Variants in ZNF225 observed in about 807,000 individuals in gnomAD.
ZNF225 encodes the protein zinc finger protein 225.
ZNF225 carries 6 observed loss-of-function variants against 12.0 expected under a neutral mutation model. That is an observed-to-expected ratio of 0.50 (90% CI 0.27 to 0.98). ZNF225 has a LOEUF of 0.98. ZNF225 is among the 50% of genes least tolerant of loss of function. ZNF225 has a pLI of 0.11. For synonymous variants in ZNF225, 271 were observed against 283.2 expected (o/e 0.96, Z 0.43); for missense variants, 763 against 848.2 (o/e 0.90, Z 1.25).
rs1247667243 is a variant in ZNF225 at position 44,132,048 on chromosome 19, C to T, written c.1434C>T (p.His478=). 2 of 1,613,236 alleles carry T rather than the reference C, an allele frequency of 1.2e-6. No homozygotes were observed. The highest frequency in any genetic ancestry group is 2.7e-5 in the African/African-American group (2 of 74,662). The change falls in exon 5 of 5, where the codon CAC becomes CAT. Residue 478 remains histidine, a synonymous_variant. Coordinates refer to ENST00000262894, the MANE Select transcript of ZNF225 (RefSeq NM_013362.4). ...GTCTTTTGAATCATCAGAGAATCCA[C>T]AGTGGAGAAAAACCATTTAAATGTG... ...ASCLLNHQRI[H]SGEKPFKCEE...
At chr19:44,122,099 T>C (rs1289039371) in intron 4 of ZNF225, among the ~76,000 whole-genome samples, 3 of 152,188 alleles carry the variant, frequency 2.0e-5, no homozygotes, top group Non-Finnish European at 4.4e-5. Flanking sequence ...ATTTTTCCAA[T>C]GTTACCTTCT....
chr19:44,118,033 T>C (rs549585949), intron 2 of ZNF225, among the ~76,000 whole-genome samples, 155 bp from the exon 3 acceptor site: 12 of 151,812 alleles, frequency 7.9e-5, no homozygotes, highest in African/African-American at 2.9e-4. Flanking sequence ...AATAAATAAA[T>C]AAAATAAAAT....
At chr19:44,121,688 C>T (rs1486646801) in intron 4 of ZNF225, among the ~76,000 whole-genome samples, 1 of 152,164 alleles carries the variant, frequency 6.6e-6, no homozygotes, top group Non-Finnish European at 1.5e-5. Flanking sequence ...TATGGTCATT[C>T]TTGCAGGAGT....
At chr19:44,128,962 A>T in intron 4 of ZNF225, 1 of 841,030 alleles carries the variant, frequency 1.2e-6, no homozygotes, top group Non-Finnish European at 1.6e-6. Context: ...ATGACCCCTT[A>T]GGCGTTCTTT....
chr19:44,127,921 G>A lies in ZNF225; in HGVS notation c.236-2929G>A, dbSNP rs144604975. Among the ~76,000 whole-genome samples the A allele has an allele frequency of 4.5e-4, 68 of 152,166 alleles. 1 individual carries two copies. Among genetic ancestry groups the A allele is most frequent in the Admixed American group, 1.8e-3 (28 of 15,284 alleles). Reference sequence around the variant, plus strand: ...CCTCCCAAAGTGCTGGGATTGCAGGGAATGAGCCACCACTCCTAGCCAAAA... The same window carrying A: ...CCTCCCAAAGTGCTGGGATTGCAGGAAATGAGCCACCACTCCTAGCCAAAA... On this transcript the variant is annotated intron_variant, in intron 4 of 4. Transcript: ENST00000262894.
rs1324821766 is a variant in ZNF225 at position 44,134,686 on chromosome 19, C to A, written c.*1951C>A. On this transcript the variant is annotated 3_prime_UTR_variant, in exon 5 of 5. Coordinates refer to ENST00000262894, the MANE Select transcript of ZNF225 (RefSeq NM_013362.4). ...AAGTTTGGTAGGGTCTATGTCTGCT[C>A]TCTGGTGTGTCCTGGATCATCAACT... 1.3e-5 allele frequency: 2 copies of A among 152,186 alleles called. No individual in the cohort carries two copies. The highest frequency in any genetic ancestry group is 1.5e-5 in the Non-Finnish European group (1 of 68,030). 9.4% of individuals were successfully genotyped at this position (152,186 alleles called of 1,614,324 possible).
At chr19:44,129,123 G>A in intron 4 of ZNF225, 1 of 1,230,120 alleles carries the variant, frequency 8.1e-7, no homozygotes, top group East Asian at 3.2e-5. Flanking sequence ...GTTCATATCA[G>A]TACAGACAAA....
Position 44,131,746 on chromosome 19 carries a change from G to A in ZNF225, c.1132G>A (p.Gly378Arg), listed in dbSNP as rs201737673. The A allele has an allele frequency of 3.2e-4, 511 of 1,614,096 alleles. No individual in the cohort carries two copies. Among genetic ancestry groups the A allele is most frequent in the Non-Finnish European group, 4.2e-4 (494 of 1,180,048 alleles). ...GEKPYNCKEC[G>R]KSFRWASGLS... Reference sequence around the variant, plus strand: ...GAAGCCATATAATTGTAAAGAATGTGGAAAGAGCTTCAGATGGGCCTCAGG... The same window carrying A: ...GAAGCCATATAATTGTAAAGAATGTAGAAAGAGCTTCAGATGGGCCTCAGG... Residue 378 changes from glycine to arginine, a missense_variant, in exon 5 of 5, where the codon GGA becomes AGA. Transcript: ENST00000262894.
At position 44,131,955 on chromosome 19, in the gene ZNF225, G is replaced by C. The variant is rs371382368; in HGVS notation, c.1341G>C (p.Gln447His). 9.9e-6 allele frequency: 16 copies of C among 1,613,952 alleles called. 1 individual carries two copies. Among genetic ancestry groups the C allele is most frequent in the African/African-American group, 1.3e-5 (1 of 74,884 alleles). The change falls in exon 5 of 5, where the codon CAG becomes CAC. Residue 447 changes from glutamine (Q) to histidine (H), a missense_variant. Physicochemically the swap from Gln to His is conservative, Grantham distance 24. Transcript: ENST00000262894. ...YKRRLDLDFH[Q>H]RVHRGEKPYN... Reference sequence around the variant, plus strand: ...GGAGGTTGGATCTTGACTTTCATCAGAGGGTCCACAGAGGAGAGAAACCCT... The same window carrying C: ...GGAGGTTGGATCTTGACTTTCATCACAGGGTCCACAGAGGAGAGAAACCCT...
intron 4 of ZNF225, among the ~76,000 whole-genome samples, chr19:44,124,629 A>G (rs1051887004): frequency 6.6e-6 from 1 of 152,164 alleles, no homozygotes; most frequent in Non-Finnish European, 1.5e-5. Flanking sequence ...GTCCCCCACT[A>G]TTATTGTGTT....
intron 4 of ZNF225, among the ~76,000 whole-genome samples, chr19:44,126,697 C>T (rs974758256): frequency 2.6e-5 from 4 of 152,054 alleles, no homozygotes; most frequent in Non-Finnish European, 5.9e-5. Context: ...TCAGACTCTC[C>T]TTGGGTGGGT....
intron 4 of ZNF225, among the ~76,000 whole-genome samples, chr19:44,128,218 C>G (rs1201003600): frequency 6.6e-6 from 1 of 152,166 alleles, no homozygotes; most frequent in Admixed American, 6.5e-5. Flanking sequence ...TGAATGTTGC[C>G]TGTATTTCTA....
chr19:44,125,555 T>C (rs1462440180), intron 4 of ZNF225, among the ~76,000 whole-genome samples: 1 of 152,226 alleles, frequency 6.6e-6, no homozygotes, highest in Non-Finnish European at 1.5e-5. Context: ...GTGTTCTTTG[T>C]GCTTCTTGTA....
chr19:44,117,062 T>C lies in ZNF225; in HGVS notation c.16-1126T>C, dbSNP rs117240611. On this transcript the variant is annotated intron_variant, in intron 2 of 4. Transcript: ENST00000262894. ...ATAGATTATCAATTCTTTGGAATAC[T>C]ATGCAGACATGAAATGAGATAAAAT... is the stretch of plus-strand genomic sequence containing the variant. Among the ~76,000 whole-genome samples, 155 of 152,332 alleles carry C rather than the reference T, an allele frequency of 1.0e-3. 7 individuals are homozygous for C. The East Asian group carries it at 0.022, about 22-fold the overall frequency.
rs1968327754 is a variant in ZNF225 at position 44,133,423 on chromosome 19, T to C, written c.*688T>C. ...AATTAAGGAATAAGATTGTGGAAAT[T>C]GGTTTTCAAAAAAAAATTCTCTAGT... On this transcript the variant is annotated 3_prime_UTR_variant, in exon 5 of 5. Coordinates refer to ENST00000262894, the MANE Select transcript of ZNF225 (RefSeq NM_013362.4). The C allele has an allele frequency of 6.6e-6, 1 of 152,080 alleles. No individual in the cohort carries two copies. Among genetic ancestry groups the C allele is most frequent in the Admixed American group, 6.6e-5 (1 of 15,260 alleles). The allele number at this position is 152,080 out of a possible 1,614,324, so 9.4% of individuals were successfully genotyped here. A position where few individuals can be genotyped will look rare whatever the true frequency, so the allele number is the denominator to read the frequency against.
chr19:44,127,374 C>A (rs1968169303), intron 4 of ZNF225, among the ~76,000 whole-genome samples: 1 of 152,222 alleles, frequency 6.6e-6, no homozygotes, highest in African/African-American at 2.4e-5. Context: ...TTGGGGCACT[C>A]ACAGTATTTG....
chr19:44,131,918 A>G lies in ZNF225; in HGVS notation c.1304A>G (p.Lys435Arg), dbSNP rs774226833. The part of the protein sequence containing the change: ...EKPYRCEECG[K>R]GYKRRLDLDF... ...CCATATAGATGTGAGGAGTGTGGGA[A>G]GGGCTACAAAAGGAGGTTGGATCTT... is the stretch of plus-strand genomic sequence containing the variant. Residue 435 changes from lysine (K) to arginine (R), a missense_variant, in exon 5 of 5, where the codon AAG becomes AGG. Transcript: ENST00000262894. 3.7e-6 allele frequency: 6 copies of G among 1,614,174 alleles called. No individual in the cohort carries two copies. Among genetic ancestry groups the G allele is most frequent in the Non-Finnish European group, 5.1e-6 (6 of 1,180,012 alleles).
At chr19:44,115,988 AG>A in intron 2 of ZNF225, 146 bp downstream of exon 2, 2 of 775,930 alleles carry the variant, frequency 2.6e-6, no homozygotes, top group African/African-American at 3.5e-5. Context: ...CAGCCTCCCA[AG>A]TAGCTGGGAC....
intron 2 of ZNF225, among the ~76,000 whole-genome samples, chr19:44,117,674 T>A (rs1967967103): frequency 6.6e-6 from 1 of 152,178 alleles, no homozygotes; most frequent in Non-Finnish European, 1.5e-5. Context: ...GCACTTCTGG[T>A]GGAGCTCAGG....
Sources: allele counts gnomAD v4.1 joint callset (sites outside exome capture counted in the v4.1 genomes callset), GRCh38; gene constraint gnomAD v4.1.1; transcripts MANE v1.5; gene names NCBI Gene and HGNC (gene_info 2026-07-23, HGNC 2026-07-21).